Variants in ALDH1A2 observed in about 807,000 individuals in gnomAD.
ALDH1A2 encodes the protein aldehyde dehydrogenase 1 family member A2, also known as retinal dehydrogenase 2.
Under a neutral mutation model 60.3 loss-of-function variants are expected in ALDH1A2, and 27 were observed. That is an observed-to-expected ratio of 0.45 (90% confidence interval 0.33 to 0.62). The LOEUF is 0.62. Among genes scored for constraint, ALDH1A2 ranks in the 20% least tolerant of loss-of-function variants. The probability of loss-of-function intolerance (pLI) is 0.02; values close to 1 mark genes in which losing one functional copy is unlikely to be tolerated. For synonymous variants in ALDH1A2, 289 were observed against 232.4 expected (o/e 1.24, Z -2.21); for missense variants, 581 against 643.8 (o/e 0.90, Z 1.06).
intron 7 of ALDH1A2, among the ~76,000 whole-genome samples, chr15:57,977,581 G>A (rs1425476526): frequency 6.6e-6 from 1 of 152,076 alleles, no homozygotes; most frequent in Non-Finnish European, 1.5e-5. Flanking sequence ...GTATATCTGT[G>A]TTTGTACCAG....
chr15:58,032,165 C>A (rs1896257028), intron 1 of ALDH1A2, among the ~76,000 whole-genome samples: 1 of 152,014 alleles, frequency 6.6e-6, no homozygotes, highest in Non-Finnish European at 1.5e-5. Context: ...CCATGGAATA[C>A]TATGCAGCCA....
chr15:58,063,194 G>C (rs540280483), intron 1 of ALDH1A2, among the ~76,000 whole-genome samples: 1 of 152,144 alleles, frequency 6.6e-6, no homozygotes, highest in Non-Finnish European at 1.5e-5. Flanking sequence ...CATACAGAAA[G>C]TCATATCCTT....
chr15:58,002,100 T>G (rs189979319), intron 4 of ALDH1A2, among the ~76,000 whole-genome samples: 136 of 152,040 alleles, frequency 8.9e-4, no homozygotes, highest in African/African-American at 2.8e-3. Context: ...TGATGAGTTT[T>G]GATACCTGGG....
At chr15:58,058,319 G>C (rs533131753) in intron 1 of ALDH1A2, among the ~76,000 whole-genome samples, 3 of 152,006 alleles carry the variant, frequency 2.0e-5, no homozygotes, top group Admixed American at 1.3e-4. Flanking sequence ...TCGTGGGCTT[G>C]CTAAATAATT....
chr15:57,992,981 T>C lies in ALDH1A2; in HGVS notation c.648A>G (p.Pro216=). The C allele has an allele frequency of 6.2e-7, 1 of 1,613,980 alleles. No individual in the cohort carries two copies. Among genetic ancestry groups the C allele is most frequent in the South Asian group, 1.1e-5 (1 of 91,078 alleles). ...GGGCTCCCATGTAGAGTGCACTGAG[T>C]GGTGTTTGCTCTGCTGGCTTAATAA... ...TVVIKPAEQT[P]LSALYMGALI... is the part of the protein sequence containing the mutation. The change falls in exon 6 of 13, where the codon CCA becomes CCG. Residue 216 remains proline (P), a synonymous_variant. Coordinates refer to ENST00000249750, the MANE Select transcript of ALDH1A2 (RefSeq NM_003888.4).
chr15:58,002,213 A>T (rs544063271), intron 4 of ALDH1A2, among the ~76,000 whole-genome samples: 1 of 151,998 alleles, frequency 6.6e-6, no homozygotes, highest in South Asian at 2.1e-4. Flanking sequence ...TGTGAATTAA[A>T]TTTTACTGAG....
chr15:57,974,807 G>A (rs1894192634), intron 7 of ALDH1A2, among the ~76,000 whole-genome samples: 1 of 152,156 alleles, frequency 6.6e-6, no homozygotes, highest in South Asian at 2.1e-4. Context: ...AAGAGACACT[G>A]GGAGAAATTA....
At chr15:57,971,550 G>C (rs1894067013) in intron 7 of ALDH1A2, among the ~76,000 whole-genome samples, 1 of 151,978 alleles carries the variant, frequency 6.6e-6, no homozygotes, top group African/African-American at 2.4e-5. Flanking sequence ...CTCAGCCTGA[G>C]TAGCTGGGAC....
At chr15:58,007,797 G>GAA (rs4646599) in intron 4 of ALDH1A2, among the ~76,000 whole-genome samples, 80 of 142,588 alleles carry the variant, frequency 5.6e-4, no homozygotes, top group South Asian at 1.3e-3. Context: ...ACTTCACTGT[G>GAA]AAAAAAAAAA....
At chr15:58,057,897 C>T (rs188891972) in intron 1 of ALDH1A2, 169 of 450,272 alleles carry the variant, frequency 3.8e-4, no homozygotes, top group African/African-American at 2.7e-3. Flanking sequence ...GCTCTGGCTA[C>T]AGCCAAAAAT....
Position 57,997,859 on chromosome 15 carries a change from C to G in ALDH1A2, c.494-2720G>C, listed in dbSNP as rs7170115. The stretch of plus-strand genomic sequence containing the variant: ...CTACAGGCTAACACAGGGAAAGAGA[C>G]AGAATCTTCTAGTCCCTACAGTTAG... On this transcript the variant is annotated intron_variant, in intron 4 of 12. Transcript: ENST00000249750. 2.4e-3 allele frequency among the ~76,000 whole-genome samples: 360 copies of G among 152,036 alleles called. 1 individual carries two copies. Among genetic ancestry groups the G allele is most frequent in the African/African-American group, 8.4e-3 (347 of 41,498 alleles).
chr15:57,964,063 T>A lies in ALDH1A2; in HGVS notation c.908A>T (p.Tyr303Phe). ...NIIFADADLD[Y>F]AVEQAHQGVF... ...ACCCTGGTGGGCCTGCTCCACAGCA[T>A]AGTCCACTACAAGAGGAAACAGCCA... The change falls in exon 9 of 13, where the codon TAT (tyrosine) becomes TTT (phenylalanine). Residue 303 changes from tyrosine (Y) to phenylalanine (F), a missense_variant. Tyr to Phe is a conservative substitution (Grantham distance 22, BLOSUM62 3). This residue lies in a region of ALDH1A2 where 375 missense variants were observed against 469.7 expected (regional missense o/e 0.80). Transcript: ENST00000249750. 1 of 1,614,032 alleles carries A rather than the reference T, an allele frequency of 6.2e-7. No individual in the cohort carries two copies. Among genetic ancestry groups the A allele is most frequent in the East Asian group, 2.2e-5 (1 of 44,878 alleles).
At chr15:58,058,952 G>C (rs577647057) in intron 1 of ALDH1A2, among the ~76,000 whole-genome samples, 4 of 152,314 alleles carry the variant, frequency 2.6e-5, no homozygotes, top group African/African-American at 9.6e-5. Flanking sequence ...AGTCTAGGTG[G>C]TGAAATCACC....
intron 4 of ALDH1A2, among the ~76,000 whole-genome samples, chr15:58,005,741 G>C (rs1319133814): frequency 6.6e-6 from 1 of 151,782 alleles, no homozygotes; most frequent in African/African-American, 2.4e-5. Context: ...TTTTATGGGT[G>C]ACCAAACAGA....
intron 4 of ALDH1A2, among the ~76,000 whole-genome samples, chr15:57,996,122 T>A (rs745634301): frequency 3.7e-4 from 57 of 152,018 alleles, no homozygotes; most frequent in Non-Finnish European, 7.4e-4. Context: ...GCATAACTAT[T>A]ATAGGTGGAA....
chr15:57,989,491 C>T (rs1029905814), intron 7 of ALDH1A2, among the ~76,000 whole-genome samples: 18 of 151,988 alleles, frequency 1.2e-4, no homozygotes, highest in African/African-American at 4.1e-4. Flanking sequence ...GGGTATGTTG[C>T]CTATATTATA....
chr15:58,001,626 A>G (rs1479432923), intron 4 of ALDH1A2, among the ~76,000 whole-genome samples: 2 of 151,904 alleles, frequency 1.3e-5, no homozygotes, highest in African/African-American at 4.8e-5. Flanking sequence ...AATTAAAGCC[A>G]ATTTTCCATC....
intron 1 of ALDH1A2, among the ~76,000 whole-genome samples, chr15:58,023,842 A>T (rs1279596952): frequency 6.6e-6 from 1 of 152,146 alleles, no homozygotes; most frequent in Non-Finnish European, 1.5e-5. Context: ...TTGTAATCCC[A>T]GCATTTTGGG....
chr15:57,999,720 C>A (rs1199580520), intron 4 of ALDH1A2, among the ~76,000 whole-genome samples: 1 of 151,930 alleles, frequency 6.6e-6, no homozygotes, highest in Non-Finnish European at 1.5e-5. Flanking sequence ...TGAGTATATA[C>A]CCAAAGGAAT....
Sources: allele counts gnomAD v4.1 joint callset (sites outside exome capture counted in the v4.1 genomes callset), GRCh38; gene constraint gnomAD v4.1.1; regional missense constraint gnomAD v4.1.1; transcripts MANE v1.5; gene names NCBI Gene and HGNC (gene_info 2026-07-23, HGNC 2026-07-21).